GRM3: variants seen among roughly 807,000 people sequenced by gnomAD.
GRM3 encodes the protein metabotropic glutamate receptor 3.
In GRM3, 26 loss-of-function variants were observed where a neutral mutation model predicts 70.5. That is an observed-to-expected ratio of 0.37 (90% CI 0.27 to 0.51). The LOEUF (loss-of-function observed/expected upper bound fraction) is 0.51, where lower values mean the gene tolerates loss of function less well. Ranked by LOEUF, GRM3 falls within the 20% of genes least tolerant of loss-of-function variation. The pLI is 0.93. For missense variants in GRM3, 859 were observed against 1,123.8 expected (o/e 0.76, Z 3.37); for synonymous variants, 443 against 434.9 (o/e 1.02, Z -0.23).
chr7:86,798,013 T>C (rs1489158933), intron 3 of GRM3, among the ~76,000 whole-genome samples: 3 of 152,174 alleles, frequency 2.0e-5, no homozygotes, highest in Admixed American at 6.5e-5. Context: ...AAGACAATAA[T>C]TGAGGTTTGG....
chr7:86,777,540 A>G (rs1796925517), intron 2 of GRM3, among the ~76,000 whole-genome samples: 1 of 152,174 alleles, frequency 6.6e-6, no homozygotes, highest in Non-Finnish European at 1.5e-5. Context: ...TCTTCATATT[A>G]TACTGCGTAC....
chr7:86,833,616 C>T (rs1259883002), intron 3 of GRM3, among the ~76,000 whole-genome samples: 2 of 152,166 alleles, frequency 1.3e-5, no homozygotes, highest in African/African-American at 2.4e-5. Flanking sequence ...TTCTTACTTG[C>T]TTCCTCATTA....
chr7:86,839,565 G>T lies in GRM3; in HGVS notation c.2051G>T (p.Ser684Ile). 1 of 1,610,888 alleles carries T rather than the reference G, an allele frequency of 6.2e-7. No homozygotes were observed. The highest frequency in any genetic ancestry group is 8.5e-7 in the Non-Finnish European group (1 of 1,178,192). ...GGCGCTCAGAGGCCAAAATTCATCA[G>T]CCCCAGTTCTCAGGTTTTCATCTGC... is the stretch of plus-strand genomic sequence containing the variant. ...KNGAQRPKFI[S>I]PSSQVFICLG... Residue 684 changes from serine (S) to isoleucine (I), a missense_variant, in exon 4 of 6, where the codon AGC (serine) becomes ATC (isoleucine). Ser to Ile is a moderately radical substitution (Grantham distance 142). Coordinates refer to ENST00000361669, the MANE Select transcript of GRM3 (RefSeq NM_000840.3). This position sits in a 1 kb window ranked among gnomAD's most constrained non-coding sequence, Gnocchi z 4.5.
chr7:86,844,660 C>T (rs768281365), intron 4 of GRM3, among the ~76,000 whole-genome samples: 5 of 152,088 alleles, frequency 3.3e-5, no homozygotes, highest in Non-Finnish European at 5.9e-5. Context: ...GGGTCAGAAC[C>T]ATCCCATAGT....
intron 1 of GRM3, among the ~76,000 whole-genome samples, chr7:86,657,801 A>G (rs1793784871): frequency 6.6e-6 from 1 of 151,684 alleles, no homozygotes; most frequent in South Asian, 2.1e-4. Flanking sequence ...GAATGAATCT[A>G]AAAGACATAA....
At chr7:86,833,534 C>T (rs1422959340) in intron 3 of GRM3, among the ~76,000 whole-genome samples, 4 of 152,186 alleles carry the variant, frequency 2.6e-5, no homozygotes, top group Non-Finnish European at 5.9e-5. Flanking sequence ...AGGAAGGCAA[C>T]AGGATCAATA....
chr7:86,798,877 T>G (rs940522280), intron 3 of GRM3, among the ~76,000 whole-genome samples: 2 of 82,788 alleles, frequency 2.4e-5, no homozygotes, highest in Non-Finnish European at 5.1e-5. Flanking sequence ...GTTCCCCTCT[T>G]CTTGCCTGAC....
intron 3 of GRM3, among the ~76,000 whole-genome samples, chr7:86,801,561 T>C (rs971487570): frequency 1.3e-5 from 2 of 152,222 alleles, no homozygotes; most frequent in African/African-American, 4.8e-5. Flanking sequence ...AGAGAATCTT[T>C]AGTATTCAGT....
At chr7:86,750,738 C>G (rs146016554) in intron 1 of GRM3, among the ~76,000 whole-genome samples, 27 of 150,850 alleles carry the variant, frequency 1.8e-4, no homozygotes, top group African/African-American at 6.3e-4. Flanking sequence ...AAGGTTGCAA[C>G]AATCAGAAAC....
At chr7:86,725,661 C>T (rs767162844) in intron 1 of GRM3, among the ~76,000 whole-genome samples, 5 of 152,140 alleles carry the variant, frequency 3.3e-5, no homozygotes, top group Non-Finnish European at 7.4e-5. Context: ...AGTAGGCAAA[C>T]AATTTTCTCC....
Position 86,814,081 on chromosome 7 carries a change from G to A in GRM3, c.1325-24758G>A, listed in dbSNP as rs963003233. Among the ~76,000 whole-genome samples, 9 of 151,784 alleles carry A rather than the reference G, an allele frequency of 5.9e-5. No individual in the cohort carries two copies. In the East Asian group the frequency reaches 1.5e-3, roughly 26 times the overall value. On this transcript the variant is annotated intron_variant, in intron 3 of 5. Coordinates refer to ENST00000361669, the MANE Select transcript of GRM3 (RefSeq NM_000840.3). Reference sequence around the variant, plus strand: ...TCATCTATAAGCACGATCAGAAGATGTACAGAGAAGACACCGATTCTTCAT... The same window carrying A: ...TCATCTATAAGCACGATCAGAAGATATACAGAGAAGACACCGATTCTTCAT...
chr7:86,794,868 T>A (rs1797510674), intron 3 of GRM3, among the ~76,000 whole-genome samples: 1 of 147,986 alleles, frequency 6.8e-6, no homozygotes, highest in South Asian at 2.1e-4. Flanking sequence ...AAGATTTCAT[T>A]CTCTTTTGTC....
Position 86,784,858 on chromosome 7 carries a change from TA to T in GRM3, c.469-1402del, listed in dbSNP as rs112928304. ...GCAGGATTGGAAAAGATATAGAAGATATTTTTGATAGCTCTGGACTATATCT... is the reference window on the plus strand; with the variant it reads ...GCAGGATTGGAAAAGATATAGAAGATTTTTTGATAGCTCTGGACTATATCT... On this transcript the variant is annotated intron_variant, in intron 2 of 5. Transcript: ENST00000361669. 1.6e-4 allele frequency among the ~76,000 whole-genome samples: 25 copies of T among 152,336 alleles called. 1 individual carries two copies. The highest frequency in any genetic ancestry group is 5.5e-4 in the African/African-American group (23 of 41,582).
intron 1 of GRM3, among the ~76,000 whole-genome samples, chr7:86,703,091 C>T (rs1432133485): frequency 6.6e-6 from 1 of 151,860 alleles, no homozygotes; most frequent in Non-Finnish European, 1.5e-5. Context: ...GACAATGAGA[C>T]AAAATATGTT....
chr7:86,681,926 G>T (rs1794451170), intron 1 of GRM3, among the ~76,000 whole-genome samples: 1 of 152,204 alleles, frequency 6.6e-6, no homozygotes, highest in Non-Finnish European at 1.5e-5. Context: ...CCCTGTGTTA[G>T]AAGTGAAGAT....
At chr7:86,673,314 T>C (rs1450582311) in intron 1 of GRM3, among the ~76,000 whole-genome samples, 1 of 152,188 alleles carries the variant, frequency 6.6e-6, no homozygotes, top group Non-Finnish European at 1.5e-5. Flanking sequence ...TCCTGTTACT[T>C]CATCTGGAAA....
intron 4 of GRM3, among the ~76,000 whole-genome samples, chr7:86,848,189 A>C: frequency 6.6e-6 from 1 of 152,302 alleles, no homozygotes; most frequent in East Asian, 1.9e-4. Context: ...GTCTTTATTA[A>C]GAAATTAAAA....
intron 2 of GRM3, among the ~76,000 whole-genome samples, chr7:86,778,654 A>G (rs1262701102): frequency 6.6e-6 from 1 of 152,166 alleles, no homozygotes; most frequent in East Asian, 1.9e-4. Flanking sequence ...CATAGCTCAT[A>G]TTCTTTTGCT....
At chr7:86,751,097 A>G (rs1229597209) in intron 1 of GRM3, among the ~76,000 whole-genome samples, 3 of 152,088 alleles carry the variant, frequency 2.0e-5, no homozygotes, top group Admixed American at 6.6e-5. Context: ...CATTGTCTGA[A>G]ATGGCATCAG....
Sources: gnomAD v4.1 joint callset for allele counts (sites outside exome capture counted in the v4.1 genomes callset) on GRCh38, gnomAD v4.1.1 for gene constraint, Gnocchi (gnomAD v3.1) non-coding constraint, MANE v1.5 for transcripts, NCBI Gene and HGNC (gene_info 2026-07-23, HGNC 2026-07-21) for gene names.